Variants in ASB18 observed in about 807,000 individuals in gnomAD.
The protein encoded by ASB18 is ankyrin repeat and SOCS box protein 18.
A neutral mutation model predicts 33.4 loss-of-function variants in ASB18; 33 were observed. The observed-to-expected ratio is 0.99, with a 90% CI of 0.75 to 1.32. The LOEUF (loss-of-function observed/expected upper bound fraction) is 1.32. ASB18 is among the 40% of genes most tolerant of loss of function. ASB18 has a pLI of 0.00. For synonymous variants in ASB18, 295 were observed against 307.6 expected (o/e 0.96, Z 0.43); for missense variants, 694 against 655.5 (o/e 1.06, Z -0.64).
chr2:236,243,129 G>C (rs1221328466), intron 1 of ASB18, among the ~76,000 whole-genome samples: 1 of 150,184 alleles, frequency 6.7e-6, no homozygotes, highest in African/African-American at 2.4e-5. Context: ...AGGAGATCGA[G>C]ATCATCCTGG....
rs1355394677 is a variant in ASB18, at chr2:236,194,834, CGAG to C, written c.*35_*37del. 9 of 1,560,206 alleles carry C rather than the reference CGAG, an allele frequency of 5.8e-6. No individual in the cohort carries two copies. The highest frequency in any genetic ancestry group is 7.9e-6 in the Non-Finnish European group (9 of 1,144,232). On this transcript the variant is annotated 3_prime_UTR_variant, in exon 6 of 6. Transcript: ENST00000409749. This position sits in a 1 kb window ranked among gnomAD's most constrained non-coding sequence, Gnocchi z 4.5. ...ACACACGGCCTCCATGGAAGGTCAG[CGAG>C]GAGAACAACAGTATTGGTTGCAGCG...
rs1361003605 is a variant in ASB18, at chr2:236,229,169, G to A, written c.596+8520C>T. Among the ~76,000 whole-genome samples, 1 of 152,218 alleles carries A rather than the reference G, an allele frequency of 6.6e-6. No individual in the cohort carries two copies. The highest frequency in any genetic ancestry group is 6.5e-5 in the Admixed American group (1 of 15,282). On this transcript the variant is annotated intron_variant, in intron 3 of 5. Coordinates refer to ENST00000409749, the MANE Select transcript of ASB18 (RefSeq NM_212556.4). This position sits in a 1 kb window ranked among gnomAD's most constrained non-coding sequence, Gnocchi z 5.2. ...CACTTGTTATAACTATATTCCACCT[G>A]TTTGAGAAGCTAGAGGAAAGACTGA...
Position 236,214,808 on chromosome 2 carries a change from GGCCCGTGCC to G in ASB18, c.646_654del (p.Gly216_Gly218del). 1 of 1,210,906 alleles carries G rather than the reference GGCCCGTGCC, an allele frequency of 8.3e-7. No individual in the cohort carries two copies. The highest frequency in any genetic ancestry group is 1.0e-6 in the Non-Finnish European group (1 of 974,032). The allele number at this position is 1,210,906 out of a possible 1,614,324, so 75.0% of individuals were successfully genotyped here. On this transcript the variant is annotated inframe_deletion, in exon 4 of 6. Coordinates refer to ENST00000409749, the MANE Select transcript of ASB18 (RefSeq NM_212556.4). This position sits in a 1 kb window ranked among gnomAD's most constrained non-coding sequence, Gnocchi z 6.5. ...GCCGCCACGTGCAGCGGCGTGTCCCGGCCCGTGCCGCCCACGCGCTGCACCGAGGCCCCG... is the reference window on the plus strand; with the variant it reads ...GCCGCCACGTGCAGCGGCGTGTCCCGGCCCACGCGCTGCACCGAGGCCCCG...
At chr2:236,246,095 A>G (rs946531469) in intron 1 of ASB18, among the ~76,000 whole-genome samples, 1 of 152,030 alleles carries the variant, frequency 6.6e-6, no homozygotes, top group Non-Finnish European at 1.5e-5. Flanking sequence ...GCTCATGCCT[A>G]TGATCCCAGC....
chr2:236,263,973 A>G lies in ASB18; in HGVS notation c.205+168T>C, dbSNP rs542453835. Among the ~76,000 whole-genome samples the G allele has an allele frequency of 2.6e-5, 4 of 152,366 alleles. No individual in the cohort carries two copies. The South Asian group carries it at 8.3e-4, about 32-fold the overall frequency. ...TGTTGCTTATGTCGCACACGCATGT[A>G]CATGGTCTATGCAGTACACATATAT... On this transcript the variant is annotated intron_variant, in intron 1 of 5. Coordinates refer to ENST00000409749, the MANE Select transcript of ASB18 (RefSeq NM_212556.4). The surrounding 1 kb of genome is among the most constrained non-coding windows in gnomAD (Gnocchi z 4.0).
intron 4 of ASB18, among the ~76,000 whole-genome samples, chr2:236,202,211 A>G (rs2060406456): frequency 6.6e-6 from 1 of 152,058 alleles, no homozygotes; most frequent in South Asian, 2.1e-4. Flanking sequence ...TCGGCCTCCC[A>G]AAGCGCTGGG....
At position 236,252,631 on chromosome 2, in the gene ASB18, C is replaced by T. The variant is rs909249569; in HGVS notation, c.206-11229G>A. On this transcript the variant is annotated intron_variant, in intron 1 of 5. Coordinates refer to ENST00000409749, the MANE Select transcript of ASB18 (RefSeq NM_212556.4). This position sits in a 1 kb window ranked among gnomAD's most constrained non-coding sequence, Gnocchi z 7.9. ...GCAAGAGGCAGGTGTCACTAGCCAC[C>T]ATGCTATGGCGCATGGGACACAGGT... is the stretch of plus-strand genomic sequence containing the variant. Among the ~76,000 whole-genome samples the T allele has an allele frequency of 3.3e-5, 5 of 152,168 alleles. No homozygotes were observed. The highest frequency in any genetic ancestry group is 1.5e-5 in the Non-Finnish European group (1 of 68,026).
In ASB18 at chr2:236,238,502, T is replaced by C. The variant is rs1019228295; in HGVS notation, c.329-546A>G. On this transcript the variant is annotated intron_variant, in intron 2 of 5. Coordinates refer to ENST00000409749, the MANE Select transcript of ASB18 (RefSeq NM_212556.4). The surrounding 1 kb of genome is among the most constrained non-coding windows in gnomAD (Gnocchi z 5.2). ...CACCAAGGTTGTTCAAGAAAAGGAC[T>C]CAGAGAAAGTTTAGCTCTCTTGCAA... Among the ~76,000 whole-genome samples the C allele has an allele frequency of 6.6e-6, 1 of 152,090 alleles. No homozygotes were observed. The highest frequency in any genetic ancestry group is 2.4e-5 in the African/African-American group (1 of 41,412).
Position 236,248,625 on chromosome 2 carries a change from C to T in ASB18, c.206-7223G>A, listed in dbSNP as rs2060655556. 6.6e-6 allele frequency: 1 copy of T among 152,078 alleles called. No homozygotes were observed. The highest frequency in any genetic ancestry group is 6.6e-5 in the Admixed American group (1 of 15,238). The allele number at this position is 152,078 out of a possible 1,614,324, so 9.4% of individuals were successfully genotyped here. A position where few individuals can be genotyped will look rare whatever the true frequency, so the allele number is the denominator to read the frequency against. ...AAAAAAAGAAAGAAAAAAGAGTCCC[C>T]AGGTACTTCTAACATGCAGCCAAGG... On this transcript the variant is annotated intron_variant, in intron 1 of 5. Coordinates refer to ENST00000409749, the MANE Select transcript of ASB18 (RefSeq NM_212556.4). The surrounding 1 kb of genome is among the most constrained non-coding windows in gnomAD (Gnocchi z 4.9).
At position 236,229,526 on chromosome 2, in the gene ASB18, A is replaced by G. The variant is rs2060555489; in HGVS notation, c.596+8163T>C. On this transcript the variant is annotated intron_variant, in intron 3 of 5. Transcript: ENST00000409749. This position sits in a 1 kb window ranked among gnomAD's most constrained non-coding sequence, Gnocchi z 5.2. ...TAAACCCACAGATCCAAGATACTCA[A>G]TGAATCCCAAGCATAAGAAACATAA... Among the ~76,000 whole-genome samples, 1 of 152,196 alleles carries G rather than the reference A, an allele frequency of 6.6e-6. No individual in the cohort carries two copies. The highest frequency in any genetic ancestry group is 2.4e-5 in the African/African-American group (1 of 41,452).
chr2:236,241,824 A>T lies in ASB18; in HGVS notation c.206-422T>A, dbSNP rs768913251. ...TGCACCGAGGGCAGACTCCCAGCACACATTTAATTGTGATGGACTCATTTA... is the reference window on the plus strand; with the variant it reads ...TGCACCGAGGGCAGACTCCCAGCACTCATTTAATTGTGATGGACTCATTTA... On this transcript the variant is annotated intron_variant, in intron 1 of 5. Transcript: ENST00000409749. The surrounding 1 kb of genome is among the most constrained non-coding windows in gnomAD (Gnocchi z 4.2). 1.3e-5 allele frequency among the ~76,000 whole-genome samples: 2 copies of T among 152,182 alleles called. No individual in the cohort carries two copies. The highest frequency in any genetic ancestry group is 2.9e-5 in the Non-Finnish European group (2 of 68,040).
intron 4 of ASB18, among the ~76,000 whole-genome samples, chr2:236,202,749 A>G (rs2060410321): frequency 1.4e-5 from 2 of 143,552 alleles, no homozygotes; most frequent in South Asian, 4.5e-4. Context: ...ACTGCACTCC[A>G]GCCTGGCGAC....
Position 236,262,252 on chromosome 2 carries a change from G to A in ASB18, c.205+1889C>T, listed in dbSNP as rs552684818. Among the ~76,000 whole-genome samples, 5 of 152,342 alleles carry A rather than the reference G, an allele frequency of 3.3e-5. No homozygotes were observed. Among genetic ancestry groups the A allele is most frequent in the African/African-American group, 7.2e-5 (3 of 41,590 alleles). On this transcript the variant is annotated intron_variant, in intron 1 of 5. Transcript: ENST00000409749. The surrounding 1 kb of genome is among the most constrained non-coding windows in gnomAD (Gnocchi z 5.2). ...ATGAAGGAAGAGCTGTTGAGAGGAC[G>A]CTTGCTGTAGTCAGGATCCCAACAG...
Position 236,211,071 on chromosome 2 carries a change from G to C in ASB18, c.1101+3291C>G, listed in dbSNP as rs1349754. Among the ~76,000 whole-genome samples, 26,150 of 152,068 alleles carry C rather than the reference G, an allele frequency of 0.17. 2,237 individuals carry two copies. Among genetic ancestry groups the C allele is most frequent in the South Asian group, 0.25 (1,202 of 4,826 alleles). On this transcript the variant is annotated intron_variant, in intron 4 of 5. Transcript: ENST00000409749. The surrounding 1 kb of genome is among the most constrained non-coding windows in gnomAD (Gnocchi z 5.0). ...GAGGCTGAAGGAGAGAGACCCCTGA[G>C]CACAGCCTTTTATCCAGACCAAGCA...
rs1028905950 is a variant in ASB18, at chr2:236,262,615, C to CG, written c.205+1525dup. ...TCAGCCTCGGGGGGGTGCTTGGGCA[C>CG]GGTGGGCCTAAAGGGTGAATGCAAG... is the stretch of plus-strand genomic sequence containing the variant. On this transcript the variant is annotated intron_variant, in intron 1 of 5. Transcript: ENST00000409749. The surrounding 1 kb of genome is among the most constrained non-coding windows in gnomAD (Gnocchi z 5.2). 2.9e-4 allele frequency among the ~76,000 whole-genome samples: 44 copies of CG among 152,312 alleles called. No individual in the cohort carries two copies. Among genetic ancestry groups the CG allele is most frequent in the African/African-American group, 9.6e-4 (40 of 41,566 alleles).
At position 236,221,807 on chromosome 2, in the gene ASB18, A is replaced by C. The variant is rs1374456765; in HGVS notation, c.597-6941T>G. On this transcript the variant is annotated intron_variant, in intron 3 of 5. Transcript: ENST00000409749. The surrounding 1 kb of genome is among the most constrained non-coding windows in gnomAD (Gnocchi z 5.6). ...AGACAGAAGGGGTTGAGCACTACAC[A>C]GTGTGTTCAGTGGGGGTAATGGGTG... Among the ~76,000 whole-genome samples the C allele has an allele frequency of 6.6e-6, 1 of 152,122 alleles. No homozygotes were observed. Among genetic ancestry groups the C allele is most frequent in the Non-Finnish European group, 1.5e-5 (1 of 68,030 alleles).
chr2:236,258,628 G>A (rs2060703986), intron 1 of ASB18, among the ~76,000 whole-genome samples: 1 of 152,212 alleles, frequency 6.6e-6, no homozygotes, highest in Non-Finnish European at 1.5e-5. Context: ...CTGAGTTAAA[G>A]GAGCAGGGGA....
rs752700008 is a variant in ASB18 at position 236,239,703 on chromosome 2, G to T, written c.328+1577C>A. The stretch of plus-strand genomic sequence containing the variant: ...GGGCACCGAGGTGGTGGCCACTGGG[G>T]ACCTGCTCCCTGTACTCAGATCAAT... On this transcript the variant is annotated intron_variant, in intron 2 of 5. Coordinates refer to ENST00000409749, the MANE Select transcript of ASB18 (RefSeq NM_212556.4). The surrounding 1 kb of genome is among the most constrained non-coding windows in gnomAD (Gnocchi z 5.6). Among the ~76,000 whole-genome samples the T allele has an allele frequency of 1.3e-5, 2 of 152,264 alleles. No homozygotes were observed. Among genetic ancestry groups the T allele is most frequent in the Non-Finnish European group, 2.9e-5 (2 of 68,048 alleles).
chr2:236,238,935 A>G lies in ASB18; in HGVS notation c.329-979T>C, dbSNP rs527522573. On this transcript the variant is annotated intron_variant, in intron 2 of 5. Transcript: ENST00000409749. This position sits in a 1 kb window ranked among gnomAD's most constrained non-coding sequence, Gnocchi z 5.2. ...AGCCTTGAAAGTCCATTCATTAATT[A>G]CCTACCCGCATGTGGTGCCGAGTTC... 4.7e-4 allele frequency among the ~76,000 whole-genome samples: 72 copies of G among 152,188 alleles called. No homozygotes were observed. The highest frequency in any genetic ancestry group is 7.6e-4 in the Non-Finnish European group (52 of 67,992).
Sources: allele counts gnomAD v4.1 joint callset (sites outside exome capture counted in the v4.1 genomes callset), GRCh38; gene constraint gnomAD v4.1.1; non-coding constraint Gnocchi (gnomAD v3.1); transcripts MANE v1.5; gene names NCBI Gene and HGNC (gene_info 2026-07-23, HGNC 2026-07-21).